The following PHTF1 variants were observed in gnomAD, a reference collection of about 807,000 sequenced individuals.
PHTF1 encodes the protein putative homeodomain transcription factor 1.
Under a neutral mutation model 102.4 loss-of-function variants are expected in PHTF1, and 88 were observed. The observed-to-expected ratio is 0.86, with a 90% confidence interval of 0.72 to 1.03. The LOEUF (loss-of-function observed/expected upper bound fraction) is 1.03, where lower values mean the gene tolerates loss of function less well. PHTF1 is among the 50% of genes least tolerant of loss of function. The pLI, the probability that PHTF1 is intolerant of heterozygous loss-of-function variation, is 0.00. For synonymous variants in PHTF1, 289 were observed against 305.2 expected (o/e 0.95, Z 0.55); for missense variants, 814 against 909.5 (o/e 0.89, Z 1.35).
intron 3 of PHTF1, chr1:113,749,615 A>G (rs1025768521): frequency 2.6e-5 from 4 of 152,208 alleles, no homozygotes; most frequent in African/African-American, 9.7e-5. Context: ...AAGGGTAACT[A>G]TGTGGCTACA....
At chr1:113,746,840 A>G (rs1657324661) in intron 3 of PHTF1, 6 of 902,086 alleles carry the variant, frequency 6.7e-6, no homozygotes, top group Non-Finnish European at 8.0e-6. Flanking sequence ...ATAACATTCC[A>G]GTCTCACCCT....
intron 3 of PHTF1, among the ~76,000 whole-genome samples, chr1:113,743,043 G>T (rs559546414): frequency 6.6e-6 from 1 of 152,054 alleles, no homozygotes; most frequent in East Asian, 1.9e-4. Flanking sequence ...CAAACTCCTG[G>T]TCTCAAGTGA....
intron 7 of PHTF1, among the ~76,000 whole-genome samples, chr1:113,717,012 TAGAC>T (rs909054816): frequency 2.0e-5 from 3 of 152,072 alleles, no homozygotes; most frequent in Non-Finnish European, 2.9e-5. Flanking sequence ...TTTCAAGACA[TAGAC>T]AGTATAATAA....
chr1:113,743,764 T>G (rs1026877297), intron 3 of PHTF1, among the ~76,000 whole-genome samples: 1 of 152,176 alleles, frequency 6.6e-6, no homozygotes, highest in African/African-American at 2.4e-5. Context: ...GTATATGAGG[T>G]CCATTGATGA....
intron 7 of PHTF1, 33 bp downstream of exon 7, chr1:113,724,726 G>A (rs2101425125): frequency 1.3e-6 from 2 of 1,554,694 alleles, no homozygotes; most frequent in Non-Finnish European, 1.7e-6. Context: ...TAAACACTAC[G>A]TGAATACAAA....
chr1:113,741,660 A>G (rs1656379306), intron 3 of PHTF1, among the ~76,000 whole-genome samples: 2 of 152,184 alleles, frequency 1.3e-5, no homozygotes, highest in South Asian at 4.1e-4. Flanking sequence ...TTAGCAATAG[A>G]AACACATTTA....
chr1:113,744,176 T>C (rs1324367561), intron 3 of PHTF1, among the ~76,000 whole-genome samples: 3 of 152,144 alleles, frequency 2.0e-5, no homozygotes, highest in Non-Finnish European at 2.9e-5. Flanking sequence ...TCTCTGCAGA[T>C]CCCCAGCTGT....
intron 3 of PHTF1, among the ~76,000 whole-genome samples, chr1:113,750,866 G>A (rs550774178): frequency 4.6e-5 from 7 of 150,778 alleles, no homozygotes; most frequent in South Asian, 4.2e-4. Context: ...AAAAAGATTA[G>A]TAAAAGGGGA....
chr1:113,697,763 GA>G, intron 18 of PHTF1, 38 bp from the exon 19 acceptor site: 1 of 1,523,740 alleles, frequency 6.6e-7, no homozygotes, highest in Non-Finnish European at 9.1e-7. Context: ...TTAGTTCTAG[GA>G]AAACCAGGTG....
intron 2 of PHTF1, among the ~76,000 whole-genome samples, chr1:113,758,128 G>A (rs1659154569): frequency 6.7e-6 from 1 of 149,364 alleles, no homozygotes; most frequent in South Asian, 2.1e-4. Context: ...GGGCGCCTGT[G>A]ATCCCAGCTA....
intron 6 of PHTF1, among the ~76,000 whole-genome samples, chr1:113,726,125 A>T (rs994987287): frequency 3.9e-5 from 6 of 152,192 alleles, no homozygotes; most frequent in African/African-American, 1.4e-4. Context: ...TTTCAAAGAG[A>T]ATGTTTTCTT....
chr1:113,704,189 T>TTA, intron 14 of PHTF1, 22 bp from the exon 15 acceptor site: 1 of 1,545,448 alleles, frequency 6.5e-7, no homozygotes, highest in Non-Finnish European at 8.9e-7. Flanking sequence ...GACACATGTG[T>TTA]TAATGTTTTA....
Position 113,697,262 on chromosome 1 carries a change from CTT to C in PHTF1, c.*441_*442del, listed in dbSNP as rs1304674637. ...ACCTAAAATAGTTCGCTTGATCTCT[CTT>C]TGATAGAGAAATGAAATCTCCAGTT... is the stretch of plus-strand genomic sequence containing the variant. On this transcript the variant is annotated 3_prime_UTR_variant, in exon 19 of 19. Transcript: ENST00000369604. The C allele has an allele frequency of 6.5e-6, 1 of 153,486 alleles. No homozygotes were observed. Among genetic ancestry groups the C allele is most frequent in the African/African-American group, 2.4e-5 (1 of 41,434 alleles). The allele number at this position is 153,486 out of a possible 1,614,324, so 9.5% of individuals were successfully genotyped here.
At chr1:113,723,329 C>A (rs1653299247) in intron 7 of PHTF1, among the ~76,000 whole-genome samples, 1 of 152,132 alleles carries the variant, frequency 6.6e-6, no homozygotes, top group African/African-American at 2.4e-5. Context: ...AGGTGCCCAC[C>A]ACCACGCCCG....
At chr1:113,712,552 A>G (rs1365458595) in intron 8 of PHTF1, among the ~76,000 whole-genome samples, 1 of 152,236 alleles carries the variant, frequency 6.6e-6, no homozygotes, top group Non-Finnish European at 1.5e-5. Flanking sequence ...TAACGGCTCA[A>G]TAATTCTTAG....
At position 113,705,931 on chromosome 1, in the gene PHTF1, AC is replaced by A. The variant is rs768736793; in HGVS notation, c.1629del (p.Met543IlefsTer5). 129 of 1,613,998 alleles carry A rather than the reference AC, an allele frequency of 8.0e-5. No individual in the cohort carries two copies. Among genetic ancestry groups the A allele is most frequent in the African/African-American group, 2.3e-4 (17 of 74,928 alleles). On this transcript the variant is annotated frameshift_variant, in exon 13 of 19. Transcript: ENST00000369604. LOFTEE classifies it high-confidence loss of function. ...NFFERLCLTW[M>X]FFFMMCVAER... ...TCTGCCACACACATCATGAAAAAAA[AC>A]ATCCAAGTAAGACACAATCTTTCAA...
At chr1:113,737,634 C>CA (rs962853645) in intron 5 of PHTF1, among the ~76,000 whole-genome samples, 3 of 152,000 alleles carry the variant, frequency 2.0e-5, no homozygotes, top group Non-Finnish European at 2.9e-5. Context: ...CTTGTCTCTA[C>CA]AAAAAAATAC....
intron 3 of PHTF1, among the ~76,000 whole-genome samples, chr1:113,746,131 A>T (rs1657203357): frequency 2.0e-5 from 3 of 152,238 alleles, no homozygotes; most frequent in Admixed American, 2.0e-4. Context: ...ATTTGCACAT[A>T]AGCAATAGTT....
intron 11 of PHTF1, among the ~76,000 whole-genome samples, chr1:113,707,213 G>A (rs61598183): frequency 2.0e-5 from 3 of 152,174 alleles, no homozygotes; most frequent in South Asian, 4.1e-4. Flanking sequence ...TAAAGGAAGA[G>A]AGATACTAAA....
Sources: gnomAD v4.1 joint callset for allele counts (sites outside exome capture counted in the v4.1 genomes callset) on GRCh38, gnomAD v4.1.1 for gene constraint, MANE v1.5 for transcripts, NCBI Gene and HGNC (gene_info 2026-07-23, HGNC 2026-07-21) for gene names.